Variants in THSD4 observed in about 807,000 individuals in gnomAD.
THSD4 encodes thrombospondin type-1 domain-containing protein 4.
THSD4 carries 69 observed loss-of-function variants against 119.0 expected under a neutral mutation model. That is an observed-to-expected ratio of 0.58 (90% CI 0.48 to 0.71). The LOEUF is 0.71. Ranked by LOEUF, THSD4 falls within the 30% of genes least tolerant of loss-of-function variation. The probability of loss-of-function intolerance (pLI) is 0.00; values close to 1 mark genes in which losing one functional copy is unlikely to be tolerated. For synonymous variants in THSD4, 524 were observed against 540.4 expected (o/e 0.97, Z 0.42); for missense variants, 1,393 against 1,391.1 (o/e 1.00, Z -0.02).
At chr15:71,329,216 C>G (rs1219322763) in intron 6 of THSD4, among the ~76,000 whole-genome samples, 1 of 152,088 alleles carries the variant, frequency 6.6e-6, no homozygotes, top group Non-Finnish European at 1.5e-5. Flanking sequence ...CAGGTTGTAT[C>G]CATCATTATG....
At chr15:71,228,359 C>G (rs946303774) in intron 4 of THSD4, among the ~76,000 whole-genome samples, 7 of 152,124 alleles carry the variant, frequency 4.6e-5, no homozygotes, top group Admixed American at 2.0e-4. Flanking sequence ...AACAGATCCT[C>G]CCCCAGAGCC....
intron 1 of THSD4, among the ~76,000 whole-genome samples, chr15:71,130,846 G>A (rs568400308): frequency 2.0e-5 from 3 of 152,258 alleles, no homozygotes; most frequent in African/African-American, 4.8e-5. Flanking sequence ...CCGGGTTCAC[G>A]CCATTCTCCT....
intron 7 of THSD4, among the ~76,000 whole-genome samples, chr15:71,436,894 G>C (rs971769495): frequency 3.3e-5 from 5 of 152,164 alleles, no homozygotes; most frequent in African/African-American, 1.2e-4. Context: ...AGTCTCTTGG[G>C]CCCACAGAGC....
At chr15:71,658,294 C>T (rs1207975042) in intron 7 of THSD4, among the ~76,000 whole-genome samples, 2 of 152,228 alleles carry the variant, frequency 1.3e-5, no homozygotes, top group Non-Finnish European at 2.9e-5. Context: ...CAGGCTTGCA[C>T]TTCAGCCGTG....
At chr15:71,697,964 AC>A (rs1275707890) in intron 8 of THSD4, among the ~76,000 whole-genome samples, 1 of 151,756 alleles carries the variant, frequency 6.6e-6, no homozygotes, top group Admixed American at 6.6e-5. Context: ...ATGGCACAGA[AC>A]CCCCACTTCA....
intron 6 of THSD4, among the ~76,000 whole-genome samples, chr15:71,374,558 C>G (rs1383882302): frequency 6.6e-6 from 1 of 152,148 alleles, no homozygotes; most frequent in Non-Finnish European, 1.5e-5. Flanking sequence ...TCTACCAGTT[C>G]TGCTGTTAGA....
intron 7 of THSD4, among the ~76,000 whole-genome samples, chr15:71,615,470 T>C (rs2050304608): frequency 6.6e-6 from 1 of 152,066 alleles, no homozygotes; most frequent in Admixed American, 6.5e-5. Flanking sequence ...CATTTATAAA[T>C]TTATATAAAT....
At chr15:71,556,105 C>T (rs1053783763) in intron 7 of THSD4, among the ~76,000 whole-genome samples, 1 of 152,034 alleles carries the variant, frequency 6.6e-6, no homozygotes, top group Non-Finnish European at 1.5e-5. Context: ...TTGGGAGTGT[C>T]TTAGTTATTC....
intron 8 of THSD4, among the ~76,000 whole-genome samples, chr15:71,712,854 G>C (rs905076): frequency 6.6e-6 from 1 of 152,020 alleles, no homozygotes. Flanking sequence ...CTATGCTTCC[G>C]TTTGTTATGA....
At chr15:71,441,521 G>A (rs1198135361) in intron 7 of THSD4, among the ~76,000 whole-genome samples, 1 of 148,176 alleles carries the variant, frequency 6.7e-6, no homozygotes, top group Non-Finnish European at 1.5e-5. Context: ...TCAGCCTCAG[G>A]AGTAGCTGGG....
intron 6 of THSD4, among the ~76,000 whole-genome samples, chr15:71,402,377 C>T (rs1465755084): frequency 6.6e-6 from 1 of 152,146 alleles, no homozygotes; most frequent in Admixed American, 6.6e-5. Flanking sequence ...AGTATGATGA[C>T]TATGTACATG....
At chr15:71,289,953 A>G (rs2044768410) in intron 6 of THSD4, among the ~76,000 whole-genome samples, 1 of 152,064 alleles carries the variant, frequency 6.6e-6, no homozygotes, top group South Asian at 2.1e-4. Flanking sequence ...GACAATCCAG[A>G]ATGAGATGAT....
At chr15:71,512,517 G>A (rs1311738347) in intron 7 of THSD4, among the ~76,000 whole-genome samples, 1 of 152,138 alleles carries the variant, frequency 6.6e-6, no homozygotes, top group Non-Finnish European at 1.5e-5. Context: ...TTCTCCACAA[G>A]AGCAAAAGAC....
At chr15:71,713,274 G>A (rs2141096214) in intron 8 of THSD4, among the ~76,000 whole-genome samples, 1 of 152,296 alleles carries the variant, frequency 6.6e-6, no homozygotes, top group Non-Finnish European at 1.5e-5. Context: ...GGGCTGTGTG[G>A]CTACCCTCTG....
chr15:71,279,423 T>C (rs2044626964), intron 6 of THSD4, among the ~76,000 whole-genome samples: 1 of 152,192 alleles, frequency 6.6e-6, no homozygotes, highest in African/African-American at 2.4e-5. Flanking sequence ...GTATAAATAG[T>C]GTTAGCAACC....
intron 3 of THSD4, among the ~76,000 whole-genome samples, chr15:71,184,862 T>G (rs1212739511): frequency 6.6e-6 from 1 of 151,770 alleles, no homozygotes; most frequent in Non-Finnish European, 1.5e-5. Flanking sequence ...CGTTTTGTTG[T>G]TTTGTTTTGT....
rs1021088486 is a variant in THSD4, at chr15:71,216,889, C to T, written c.464+1490C>T. Among the ~76,000 whole-genome samples the T allele has an allele frequency of 7.9e-5, 12 of 152,152 alleles. No homozygotes were observed. In the South Asian group the frequency reaches 1.0e-3, roughly 13 times the overall value. On this transcript the variant is annotated intron_variant, in intron 4 of 17. Coordinates refer to ENST00000261862, the MANE Select transcript of THSD4 (RefSeq NM_024817.3). Reference sequence around the variant, plus strand: ...CTGGGCTCACTGCAGCCTCCAACTCCGGGTTCAAGCTATTCTCATGCCTCA... The same window carrying T: ...CTGGGCTCACTGCAGCCTCCAACTCTGGGTTCAAGCTATTCTCATGCCTCA...
intron 7 of THSD4, among the ~76,000 whole-genome samples, chr15:71,472,667 C>G (rs989860258): frequency 6.6e-6 from 1 of 152,188 alleles, no homozygotes; most frequent in Admixed American, 6.5e-5. Context: ...CAGAAACATC[C>G]CCTCTCCTGA....
intron 2 of THSD4, among the ~76,000 whole-genome samples, chr15:71,149,641 A>G (rs1171756979): frequency 1.3e-5 from 2 of 152,174 alleles, no homozygotes; most frequent in African/African-American, 4.8e-5. Flanking sequence ...ATATAATTTT[A>G]TTAGTGATCT....
Sources: gnomAD v4.1 joint callset for allele counts (sites outside exome capture counted in the v4.1 genomes callset) on GRCh38, gnomAD v4.1.1 for gene constraint, MANE v1.5 for transcripts, NCBI Gene and HGNC (gene_info 2026-07-23, HGNC 2026-07-21) for gene names.